Variants in RNF220 observed in about 807,000 individuals in gnomAD.
RNF220 encodes the protein ring finger protein 220.
A neutral mutation model predicts 67.1 loss-of-function variants in RNF220; 7 were observed. That is an observed-to-expected ratio of 0.10 (90% CI 0.06 to 0.20). RNF220 has a LOEUF of 0.20. RNF220 is among the 10% of genes least tolerant of loss of function. The pLI is 1.00. For missense variants in RNF220, 565 were observed against 740.3 expected (o/e 0.76, Z 2.75); for synonymous variants, 270 against 283.2 (o/e 0.95, Z 0.47).
chr1:44,647,992 A>G (rs1230348613), intron 12 of RNF220, among the ~76,000 whole-genome samples: 4 of 152,118 alleles, frequency 2.6e-5, no homozygotes, highest in Non-Finnish European at 5.9e-5. Context: ...CAGGTGTGGC[A>G]TTTGAGGTCC....
rs144026916 is a variant in RNF220 at position 44,454,747 on chromosome 1, A to G, written c.625+42025A>G. On this transcript the variant is annotated intron_variant, in intron 2 of 14. Coordinates refer to ENST00000361799, the MANE Select transcript of RNF220 (RefSeq NM_018150.4). ...CAGTTCTGTGAGTTTTGACAAATAC[A>G]TATAATCATTTAACCACCACCACAA... 4.3e-3 allele frequency among the ~76,000 whole-genome samples: 649 copies of G among 152,128 alleles called. 8 individuals are homozygous for G. The highest frequency in any genetic ancestry group is 0.015 in the African/African-American group (627 of 41,490).
chr1:44,423,250 G>A (rs1052028062), intron 2 of RNF220, among the ~76,000 whole-genome samples: 23 of 152,236 alleles, frequency 1.5e-4, no homozygotes, highest in African/African-American at 5.5e-4. Context: ...AGGGGTAGCA[G>A]TTGGCTTTTT....
intron 2 of RNF220, among the ~76,000 whole-genome samples, chr1:44,493,318 A>T (rs553613922): frequency 5.9e-5 from 9 of 152,310 alleles, no homozygotes; most frequent in African/African-American, 2.2e-4. Context: ...GTTCGAGGCC[A>T]GCCTGGCCAA....
In RNF220 at chr1:44,410,147, G is replaced by GA. The variant is rs368972185; in HGVS notation, c.-117-1834_-117-1833insA. On this transcript the variant is annotated intron_variant, in intron 1 of 14. Transcript: ENST00000361799. ...GTAAAAATAGCAAGTGAATCCTGGGGGGGGTCGTATTTTGAGGGGGAAACA... is the reference window on the plus strand; with the variant it reads ...GTAAAAATAGCAAGTGAATCCTGGGGAGGGGTCGTATTTTGAGGGGGAAACA... Among the ~76,000 whole-genome samples the GA allele has an allele frequency of 2.6e-4, 40 of 151,988 alleles. 1 individual carries two copies. The highest frequency in any genetic ancestry group is 8.7e-4 in the African/African-American group (36 of 41,438).
chr1:44,592,367 A>C (rs2148373891), intron 2 of RNF220, among the ~76,000 whole-genome samples: 1 of 152,340 alleles, frequency 6.6e-6, no homozygotes, highest in Non-Finnish European at 1.5e-5. Context: ...CAGGCCTCCC[A>C]GCTGCCCCTC....
At chr1:44,549,656 T>G (rs774245911) in intron 2 of RNF220, among the ~76,000 whole-genome samples, 29 of 152,078 alleles carry the variant, frequency 1.9e-4, no homozygotes, top group Non-Finnish European at 3.5e-4. Flanking sequence ...TCCTGCTGCT[T>G]CTTAACTGGG....
In RNF220 at chr1:44,502,151, TCTCTCTCACACA is replaced by T. The variant is rs1657976639; in HGVS notation, c.625+89431_625+89442del. Among the ~76,000 whole-genome samples the T allele has an allele frequency of 3.3e-5, 4 of 120,834 alleles. No individual in the cohort carries two copies. In the East Asian group the frequency reaches 8.8e-4, roughly 27 times the overall value. The allele number at this position is 120,834 out of a possible 152,430, so 79.3% of individuals were successfully genotyped here. A position where few individuals can be genotyped will look rare whatever the true frequency, so the allele number is the denominator to read the frequency against. On this transcript the variant is annotated intron_variant, in intron 2 of 14. Transcript: ENST00000361799. ...GATCCTTTGTCTCTCTCTCTCTCTC[TCTCTCTCACACA>T]CACACACACACACACACACCATACA... is the stretch of plus-strand genomic sequence containing the variant.
chr1:44,486,371 C>T (rs1474217472), intron 2 of RNF220, among the ~76,000 whole-genome samples: 2 of 152,216 alleles, frequency 1.3e-5, no homozygotes, highest in Non-Finnish European at 2.9e-5. Context: ...GACAGAGGCT[C>T]ATTCCTTTCA....
intron 2 of RNF220, among the ~76,000 whole-genome samples, chr1:44,544,542 T>G (rs1358942434): frequency 2.0e-5 from 3 of 152,262 alleles, no homozygotes; most frequent in Admixed American, 1.3e-4. Flanking sequence ...GCTCTGGGGC[T>G]AGCCAACCTT....
chr1:44,644,658 G>T (rs368455337), intron 8 of RNF220, 40 bp from the exon 9 acceptor site: 2 of 1,563,646 alleles, frequency 1.3e-6, no homozygotes, highest in East Asian at 2.2e-5. Flanking sequence ...CCTTGGCCTC[G>T]TCTTGTCCCC....
intron 2 of RNF220, among the ~76,000 whole-genome samples, chr1:44,483,649 T>C (rs1018763837): frequency 2.6e-5 from 4 of 152,130 alleles, no homozygotes; most frequent in Admixed American, 2.0e-4. Flanking sequence ...AGGTGTTCAA[T>C]GAAGATATGT....
intron 8 of RNF220, among the ~76,000 whole-genome samples, chr1:44,639,407 TG>T (rs1033443341): frequency 3.3e-5 from 5 of 152,098 alleles, no homozygotes; most frequent in African/African-American, 1.2e-4. Flanking sequence ...AAAGAGGACA[TG>T]GGAATGATTG....
Position 44,645,526 on chromosome 1 carries a change from T to C in RNF220, c.1445+38T>C. On this transcript the variant is annotated intron_variant, in intron 12 of 14. Transcript: ENST00000361799. The surrounding 1 kb of genome is among the most constrained non-coding windows in gnomAD (Gnocchi z 5.0). ...CCAGGAGAGAGCCCTGGGACCACAG[T>C]TCAGTGGGAGGAGGGGCCCTTTGCT... 3 of 1,599,328 alleles carry C rather than the reference T, an allele frequency of 1.9e-6. No individual in the cohort carries two copies. Among genetic ancestry groups the C allele is most frequent in the Non-Finnish European group, 2.6e-6 (3 of 1,169,084 alleles).
At chr1:44,598,390 G>A (rs1572997039) in intron 2 of RNF220, among the ~76,000 whole-genome samples, 2 of 152,216 alleles carry the variant, frequency 1.3e-5, no homozygotes, top group South Asian at 2.1e-4. Flanking sequence ...GGCTCAGGAC[G>A]GAAGCTGGGC....
At chr1:44,407,818 T>C (rs1412608255) in intron 1 of RNF220, among the ~76,000 whole-genome samples, 1 of 152,092 alleles carries the variant, frequency 6.6e-6, no homozygotes, top group Non-Finnish European at 1.5e-5. Flanking sequence ...GAAGCGGTGG[T>C]GCGCGCGGCG....
At chr1:44,632,015 C>T in intron 5 of RNF220, 2 of 1,037,874 alleles carry the variant, frequency 1.9e-6, no homozygotes, top group African/African-American at 1.7e-5. Context: ...GTGCCGCCGC[C>T]GCCGGGCAGC....
intron 6 of RNF220, 104 bp downstream of exon 6, chr1:44,632,489 C>A: frequency 2.0e-6 from 2 of 991,896 alleles, no homozygotes; most frequent in South Asian, 1.4e-5. Flanking sequence ...GACTCTGGGG[C>A]CCGTTGGCTT....
chr1:44,505,081 T>C (rs1658294589), intron 2 of RNF220, among the ~76,000 whole-genome samples: 1 of 152,206 alleles, frequency 6.6e-6, no homozygotes, highest in African/African-American at 2.4e-5. Flanking sequence ...ATACACTATA[T>C]GTTACTTCCC....
In RNF220 at chr1:44,583,215, G is replaced by GATATATATATATATAT. The variant is rs35343175; in HGVS notation, c.626-30948_626-30933dup. Among the ~76,000 whole-genome samples the GATATATATATATATAT allele has an allele frequency of 4.0e-4, 59 of 149,038 alleles. 1 individual carries two copies. Among genetic ancestry groups the GATATATATATATATAT allele is most frequent in the African/African-American group, 1.4e-3 (58 of 40,430 alleles). On this transcript the variant is annotated intron_variant, in intron 2 of 14. Coordinates refer to ENST00000361799, the MANE Select transcript of RNF220 (RefSeq NM_018150.4). ...CTTTTGAATTTTGCTTCCAGAAGCAGATATATATATATATATACTTATACA... is the reference window on the plus strand; with the variant it reads ...CTTTTGAATTTTGCTTCCAGAAGCAGATATATATATATATATATATATATATATATATACTTATACA...
Sources: allele counts gnomAD v4.1 joint callset (sites outside exome capture counted in the v4.1 genomes callset), GRCh38; gene constraint gnomAD v4.1.1; non-coding constraint Gnocchi (gnomAD v3.1); transcripts MANE v1.5; gene names NCBI Gene and HGNC (gene_info 2026-07-23, HGNC 2026-07-21).